Variants in CFDP1 observed in about 807,000 individuals in gnomAD.
CFDP1 encodes heterochromatin-stabilizing protein CFDP1.
In CFDP1, 31 loss-of-function variants were observed where a neutral mutation model predicts 40.1. The observed-to-expected ratio is 0.77, with a 90% CI of 0.58 to 1.04. CFDP1 has a LOEUF of 1.04. Among genes scored for constraint, CFDP1 ranks in the 50% least tolerant of loss-of-function variants. The pLI is 0.00. For synonymous variants in CFDP1, 167 were observed against 120.0 expected (o/e 1.39, Z -2.56); for missense variants, 423 against 343.4 (o/e 1.23, Z -1.83).
In CFDP1 at chr16:75,347,290, G is replaced by A. The variant is rs1185264861; in HGVS notation, c.651-42108C>T. 2.2e-5 allele frequency among the ~76,000 whole-genome samples: 3 copies of A among 136,634 alleles called. No individual in the cohort carries two copies. In the East Asian group the frequency reaches 6.5e-4, roughly 30 times the overall value. 89.6% of individuals were successfully genotyped at this position (136,634 alleles called of 152,430 possible). On this transcript the variant is annotated intron_variant, in intron 5 of 6. Coordinates refer to ENST00000283882, the MANE Select transcript of CFDP1 (RefSeq NM_006324.3). The stretch of plus-strand genomic sequence containing the variant: ...ACCCAGGAGGCGGAGGTTACAGTGA[G>A]CCGAGATCGGACCATTGCACTCCAG...
chr16:75,385,384 GAA>G (rs924385910), intron 5 of CFDP1, among the ~76,000 whole-genome samples: 15 of 151,926 alleles, frequency 9.9e-5, no homozygotes, highest in African/African-American at 2.7e-4. Context: ...CCTTCTCTCC[GAA>G]AAAAATTTAA....
chr16:75,309,819 CAAAAAAAAAAAAAAAA>C (rs1156624164), intron 5 of CFDP1, among the ~76,000 whole-genome samples: 2 of 46,482 alleles, frequency 4.3e-5, no homozygotes, highest in Non-Finnish European at 7.0e-5. Flanking sequence ...GACTCCATCT[CAAAAAAAAAAAAAAAA>C]AAAAAAAAAA....
At chr16:75,357,266 T>G (rs1359983565) in intron 5 of CFDP1, among the ~76,000 whole-genome samples, 1 of 152,016 alleles carries the variant, frequency 6.6e-6, no homozygotes, top group Non-Finnish European at 1.5e-5. Context: ...TAATTTTTAA[T>G]TTTTTTGAAA....
intron 1 of CFDP1, among the ~76,000 whole-genome samples, chr16:75,422,189 C>T (rs547683972): frequency 8.1e-4 from 123 of 152,146 alleles, no homozygotes; most frequent in African/African-American, 2.7e-3. Flanking sequence ...CTCTGCCTCC[C>T]GTGTTCAAGC....
At chr16:75,331,463 C>G (rs1029098245) in intron 5 of CFDP1, among the ~76,000 whole-genome samples, 3 of 152,076 alleles carry the variant, frequency 2.0e-5, no homozygotes, top group African/African-American at 7.2e-5. Context: ...TCAGTTTTGG[C>G]AAATGTATAC....
At chr16:75,351,058 T>C (rs2078607066) in intron 5 of CFDP1, among the ~76,000 whole-genome samples, 1 of 152,186 alleles carries the variant, frequency 6.6e-6, no homozygotes, top group African/African-American at 2.4e-5. Flanking sequence ...GTACTAATCA[T>C]ACATACAATA....
At chr16:75,400,260 C>T (rs1192690524) in intron 4 of CFDP1, among the ~76,000 whole-genome samples, 1 of 150,476 alleles carries the variant, frequency 6.6e-6, no homozygotes, top group Non-Finnish European at 1.5e-5. Context: ...GCCTAGGCAA[C>T]AGAGTGAGAC....
intron 6 of CFDP1, 109 bp from the exon 7 acceptor site, chr16:75,294,151 G>C (rs994240207): frequency 1.3e-6 from 1 of 786,998 alleles, no homozygotes; most frequent in African/African-American, 1.7e-5. Context: ...GGTGCCGAGA[G>C]TGACCACCCA....
chr16:75,366,061 C>T (rs533976727), intron 5 of CFDP1, among the ~76,000 whole-genome samples: 1 of 152,204 alleles, frequency 6.6e-6, no homozygotes, highest in African/African-American at 2.4e-5. Flanking sequence ...AAAACATGTC[C>T]ACATAAAGAC....
At chr16:75,304,887 A>T in intron 6 of CFDP1, 137 bp downstream of exon 6, 1 of 946,372 alleles carries the variant, frequency 1.1e-6, no homozygotes, top group Non-Finnish European at 1.6e-6. Context: ...AGACTTACTG[A>T]CAAACCAAAG....
At chr16:75,301,255 G>C (rs1261791448) in intron 6 of CFDP1, among the ~76,000 whole-genome samples, 1 of 152,110 alleles carries the variant, frequency 6.6e-6, no homozygotes, top group East Asian at 1.9e-4. Flanking sequence ...TAGTACCTAT[G>C]GTATGGGAAG....
intron 1 of CFDP1, among the ~76,000 whole-genome samples, chr16:75,430,041 C>T (rs1334186331): frequency 2.0e-5 from 3 of 152,258 alleles, no homozygotes; most frequent in East Asian, 1.9e-4. Flanking sequence ...CAGGACAACT[C>T]GGGGTGGGAG....
intron 5 of CFDP1, among the ~76,000 whole-genome samples, chr16:75,347,548 A>G (rs2151523914): frequency 6.7e-6 from 1 of 149,250 alleles, no homozygotes; most frequent in African/African-American, 2.5e-5. Context: ...GTGCAGTGTC[A>G]GGCACCTGTA....
At chr16:75,368,544 T>G (rs887298757) in intron 5 of CFDP1, among the ~76,000 whole-genome samples, 2 of 152,228 alleles carry the variant, frequency 1.3e-5, no homozygotes, top group Non-Finnish European at 2.9e-5. Flanking sequence ...CCGCAAAGAT[T>G]TGAGTATTCA....
At chr16:75,403,461 C>G (rs1567673828) in intron 4 of CFDP1, among the ~76,000 whole-genome samples, 1 of 152,174 alleles carries the variant, frequency 6.6e-6, no homozygotes, top group Non-Finnish European at 1.5e-5. Context: ...TCAAGCAGTC[C>G]TCCTGCCTCA....
At chr16:75,398,479 G>A (rs1318902687) in intron 4 of CFDP1, among the ~76,000 whole-genome samples, 1 of 152,152 alleles carries the variant, frequency 6.6e-6, no homozygotes, top group Non-Finnish European at 1.5e-5. Flanking sequence ...TGTGGAAGTG[G>A]CACAACATGA....
intron 5 of CFDP1, among the ~76,000 whole-genome samples, chr16:75,322,118 C>G (rs1312154497): frequency 6.6e-6 from 1 of 152,204 alleles, no homozygotes; most frequent in Non-Finnish European, 1.5e-5. Flanking sequence ...GCCACCGCGC[C>G]CAGCCTATTA....
At chr16:75,428,855 G>A (rs1213199646) in intron 1 of CFDP1, among the ~76,000 whole-genome samples, 1 of 151,502 alleles carries the variant, frequency 6.6e-6, no homozygotes, top group Non-Finnish European at 1.5e-5. Context: ...AGAGGCTCAC[G>A]CCTGTAATCC....
chr16:75,349,598 CTG>C (rs2078594104), intron 5 of CFDP1, among the ~76,000 whole-genome samples: 1 of 132,598 alleles, frequency 7.5e-6, no homozygotes, highest in African/African-American at 2.9e-5. Context: ...ATGCAGTGAG[CTG>C]TGTTTGTGCT....
Sources: gnomAD v4.1 joint callset for allele counts (sites outside exome capture counted in the v4.1 genomes callset) on GRCh38, gnomAD v4.1.1 for gene constraint, MANE v1.5 for transcripts, NCBI Gene and HGNC (gene_info 2026-07-23, HGNC 2026-07-21) for gene names.